Variants in MED11 observed in about 807,000 individuals in gnomAD.
MED11 encodes mediator complex subunit 11.
Under a neutral mutation model 13.9 loss-of-function variants are expected in MED11, and 19 were observed. The ratio of observed to expected loss-of-function variants is 1.36; its 90% CI spans 0.95 to 2.00. The LOEUF (loss-of-function observed/expected upper bound fraction) is 2.00. MED11 is among the 30% of genes most tolerant of loss of function. The pLI is 0.00. For synonymous variants in MED11, 67 were observed against 62.1 expected, an observed-to-expected ratio of 1.08 and a Z score of -0.37; for missense variants, 134 against 150.2, an observed-to-expected ratio of 0.89 and a Z score of 0.56.
Position 4,731,893 on chromosome 17 carries a change from G to A in MED11, c.203G>A (p.Arg68His), listed in dbSNP as rs774527928. The A allele has an allele frequency of 6.8e-6, 11 of 1,613,800 alleles. No homozygotes were observed. The highest frequency in any genetic ancestry group is 8.5e-6 in the Non-Finnish European group (10 of 1,179,872). The change falls in exon 2 of 3, where the codon CGC becomes CAC. Residue 68 changes from arginine (R) to histidine (H), a missense_variant. Transcript: ENST00000293777. ...HVEAELSAQI[R>H]YLTQVATGQP... is the part of the protein sequence containing the mutation. ...GAGGCGGAGCTGTCAGCTCAGATCC[G>A]CTACCTCACCCAGGTCGGTGTGTCT...
chr17:4,732,036 C>T (rs1915996315), intron 2 of MED11, 130 bp downstream of exon 2: 1 of 1,168,592 alleles, frequency 8.6e-7, no homozygotes, highest in Non-Finnish European at 1.2e-6. Flanking sequence ...GAGCGGGTTT[C>T]TTCCTCTAAA....
intron 2 of MED11, 104 bp downstream of exon 2, chr17:4,732,010 C>T (rs751427245): frequency 4.4e-6 from 6 of 1,364,024 alleles, no homozygotes; most frequent in South Asian, 1.5e-5. Flanking sequence ...ACCAGACCTC[C>T]CCAGCCGGCC....
At chr17:4,732,093 GC>G in intron 2 of MED11, 187 bp downstream of exon 2, 1 of 630,356 alleles carries the variant, frequency 1.6e-6, no homozygotes, top group Non-Finnish European at 2.6e-6. Flanking sequence ...TTCGAGACCA[GC>G]CTGGCCAACA....
At chr17:4,732,076 G>C (rs1452119911) in intron 2 of MED11, 170 bp downstream of exon 2, 1 of 726,746 alleles carries the variant, frequency 1.4e-6, no homozygotes, top group Non-Finnish European at 2.2e-6. Flanking sequence ...GCAGTGGCTT[G>C]ACAGAGTTCG....
Position 4,733,084 on chromosome 17 carries a change from A to T in MED11, c.251A>T (p.Tyr84Phe), listed in dbSNP as rs1916037390. 6.2e-7 allele frequency: 1 copy of T among 1,613,886 alleles called. No individual in the cohort carries two copies. The highest frequency in any genetic ancestry group is 1.3e-5 in the African/African-American group (1 of 74,874). Residue 84 changes from tyrosine (Y) to phenylalanine (F), a missense_variant, in exon 3 of 3, where the codon TAC becomes TTC. Physicochemically the swap from Tyr to Phe is conservative, Grantham distance 22. Transcript: ENST00000293777. ...GGGCAGCCCCATGAGGGCTCCAGCT[A>T]CTCTTCGAGGAAGGACTGTCAGATG... ...ATGQPHEGSS[Y>F]SSRKDCQMAL...
chr17:4,732,065 C>T lies in MED11; in HGVS notation c.216+159C>T, dbSNP rs184817862. On this transcript the variant is annotated intron_variant, in intron 2 of 2. Transcript: ENST00000293777. ...CTCTAAAAGGAAAGAATGGGCCGGG[C>T]GCAGTGGCTTGACAGAGTTCGAGAC... 10 of 815,826 alleles carry T rather than the reference C, an allele frequency of 1.2e-5. No homozygotes were observed. The Admixed American group carries it at 1.2e-4, about 10-fold the overall frequency. The allele number at this position is 815,826 out of a possible 1,614,324, so 50.5% of individuals were successfully genotyped here. A position where few individuals can be genotyped will look rare whatever the true frequency, so the allele number is the denominator to read the frequency against.
intron 2 of MED11, chr17:4,732,146 A>G: frequency 2.1e-6 from 1 of 485,038 alleles, no homozygotes; most frequent in Non-Finnish European, 3.6e-6. Flanking sequence ...AAATTAGGCC[A>G]GGCTCGGTGG....
At chr17:4,732,257 C>G (rs1013861483) in intron 2 of MED11, 6 of 278,402 alleles carry the variant, frequency 2.2e-5, no homozygotes, top group Non-Finnish European at 4.0e-5. Context: ...AACTCCGTCT[C>G]TACTAAAAAT....
rs1915990174 is a variant in MED11, at chr17:4,731,849, C to T, written c.159C>T (p.Thr53=). 2 of 1,614,092 alleles carry T rather than the reference C, an allele frequency of 1.2e-6. No individual in the cohort carries two copies. The highest frequency in any genetic ancestry group is 1.7e-6 in the Non-Finnish European group (2 of 1,180,024). Residue 53 remains threonine (T), a synonymous_variant, in exon 2 of 3, where the codon ACC becomes ACT. Coordinates refer to ENST00000293777, the MANE Select transcript of MED11 (RefSeq NM_001001683.4). Reference sequence around the variant, plus strand: ...TAGACCGGCAGGCGGCGGCCTTCACCGCTTCAGTGCAACACGTGGAGGCGG... The same window carrying T: ...TAGACCGGCAGGCGGCGGCCTTCACTGCTTCAGTGCAACACGTGGAGGCGG... The part of the protein sequence containing the change: ...RLLDRQAAAF[T]ASVQHVEAEL...
At chr17:4,732,078 CAG>C in intron 2 of MED11, 172 bp downstream of exon 2, 1 of 726,856 alleles carries the variant, frequency 1.4e-6, no homozygotes, top group African/African-American at 1.8e-5. Context: ...AGTGGCTTGA[CAG>C]AGTTCGAGAC....
intron 2 of MED11, chr17:4,732,793 G>A (rs543385995): frequency 7.0e-5 from 35 of 497,956 alleles, no homozygotes; most frequent in Admixed American, 1.4e-4. Context: ...TGAAATCGTC[G>A]CAGGGACCAC....
At position 4,732,250 on chromosome 17, in the gene MED11, T is replaced by C. The variant is rs568893681; in HGVS notation, c.216+344T>C. On this transcript the variant is annotated intron_variant, in intron 2 of 2. Transcript: ENST00000293777. ...ACCAGCCTGGCCAACATGGTGAAAC[T>C]CCGTCTCTACTAAAAATACAAAAAT... The C allele has an allele frequency of 5.3e-3, 1,536 of 291,554 alleles. 18 individuals carry two copies. Among genetic ancestry groups the C allele is most frequent in the African/African-American group, 0.029 (1,334 of 45,782 alleles). The allele number at this position is 291,554 out of a possible 1,614,324, so 18.1% of individuals were successfully genotyped here.
At chr17:4,731,655 A>C in intron 1 of MED11, 81 bp downstream of exon 1, 1 of 1,607,596 alleles carries the variant, frequency 6.2e-7, no homozygotes, top group Non-Finnish European at 8.5e-7. Context: ...GACTTGGAGC[A>C]GGGTTGGGGA....
chr17:4,731,623 C>T, intron 1 of MED11, 49 bp downstream of exon 1: 1 of 1,611,564 alleles, frequency 6.2e-7, no homozygotes, highest in Admixed American at 1.7e-5. Flanking sequence ...CGTGACCGGG[C>T]TGCACTGGCA....
At chr17:4,732,235 C>A (rs1267070675) in intron 2 of MED11, 1 of 324,970 alleles carries the variant, frequency 3.1e-6, no homozygotes, top group African/African-American at 2.1e-5. Context: ...ACCAGCCTGG[C>A]CAACATGGTG....
chr17:4,731,797 C>A lies in MED11; in HGVS notation c.107C>A (p.Ser36Tyr). Residue 36 changes from serine (S) to tyrosine (Y), a missense_variant, in exon 2 of 3, where the codon TCC (serine) becomes TAC (tyrosine). Physicochemically the swap from Ser to Tyr is moderately radical, Grantham distance 144. Coordinates refer to ENST00000293777, the MANE Select transcript of MED11 (RefSeq NM_001001683.4). ...GCAGGTACTGTGATCCTAGAATTGT[C>A]CAAGGAAAAAACTAACGAGCGGCTC... The part of the protein sequence containing the change: ...QNAGTVILEL[S>Y]KEKTNERLLD... 1.2e-6 allele frequency: 2 copies of A among 1,614,106 alleles called. No individual in the cohort carries two copies. The highest frequency in any genetic ancestry group is 1.7e-6 in the Non-Finnish European group (2 of 1,179,990).
At position 4,733,328 on chromosome 17, in the gene MED11, G is replaced by A; in HGVS notation, c.*141G>A. The A allele has an allele frequency of 8.9e-7, 1 of 1,128,012 alleles. No homozygotes were observed. The highest frequency in any genetic ancestry group is 1.6e-5 in the African/African-American group (1 of 63,982). 69.9% of individuals were successfully genotyped at this position (1,128,012 alleles called of 1,614,324 possible). A position where few individuals can be genotyped will look rare whatever the true frequency, so the allele number is the denominator to read the frequency against. On this transcript the variant is annotated 3_prime_UTR_variant, in exon 3 of 3. Transcript: ENST00000293777. ...CCCTAGGACAAAGGGGCAAATGGTG[G>A]GCATGGAAAAACTGAAGCCCGAGCC...
intron 2 of MED11, chr17:4,732,274 A>C (rs1769610814): frequency 6.3e-5 from 15 of 237,120 alleles, no homozygotes; most frequent in East Asian, 1.7e-4. Context: ...AAATACAAAA[A>C]TTAGCTGGGC....
Position 4,733,363 on chromosome 17 carries a change from CT to C in MED11, c.*177del. 1 of 762,146 alleles carries C rather than the reference CT, an allele frequency of 1.3e-6. No homozygotes were observed. Among genetic ancestry groups the C allele is most frequent in the Non-Finnish European group, 2.1e-6 (1 of 483,706 alleles). 47.2% of individuals were successfully genotyped at this position (762,146 alleles called of 1,614,324 possible). On this transcript the variant is annotated 3_prime_UTR_variant, in exon 3 of 3. Transcript: ENST00000293777. ...AACTGAAGCCCGAGCCTGCCCACAGCTATGCTTTGGCCTCTCCAGCAGGGTG... is the reference window on the plus strand; with the variant it reads ...AACTGAAGCCCGAGCCTGCCCACAGCATGCTTTGGCCTCTCCAGCAGGGTG...
Sources: gnomAD v4.1 joint callset for allele counts on GRCh38, gnomAD v4.1.1 for gene constraint, MANE v1.5 for transcripts, NCBI Gene and HGNC (gene_info 2026-07-23, HGNC 2026-07-21) for gene names.